Variants in ZNF335 observed in about 807,000 individuals in gnomAD.
ZNF335 encodes NRC-interacting factor 1.
Under a neutral mutation model 145.6 loss-of-function variants are expected in ZNF335, and 84 were observed. That is an observed-to-expected ratio of 0.58 (90% CI 0.48 to 0.69). The LOEUF (loss-of-function observed/expected upper bound fraction) is 0.69. Among genes scored for constraint, ZNF335 ranks in the 30% least tolerant of loss-of-function variants. The pLI is 0.00. For synonymous variants in ZNF335, 761 were observed against 717.0 expected (o/e 1.06, Z -0.98); for missense variants, 1,865 against 1,809.7 (o/e 1.03, Z -0.55).
intron 17 of ZNF335, among the ~76,000 whole-genome samples, chr20:45,955,322 G>A (rs2083708103): frequency 9.6e-6 from 1 of 104,594 alleles, no homozygotes; most frequent in Non-Finnish European, 1.8e-5. Context: ...CTGCACTCCA[G>A]CTTGGGCAAC....
At position 45,949,951 on chromosome 20, in the gene ZNF335, A is replaced by C; in HGVS notation, c.3591+15T>G. 1 of 1,614,088 alleles carries C rather than the reference A, an allele frequency of 6.2e-7. No homozygotes were observed. Among genetic ancestry groups the C allele is most frequent in the South Asian group, 1.1e-5 (1 of 91,082 alleles). On this transcript the variant is annotated intron_variant, in intron 23 of 27. Coordinates refer to ENST00000322927, the MANE Select transcript of ZNF335 (RefSeq NM_022095.4). ...GCCTGTCGCTGGCCAGAGGGCCCCC[A>C]GTCCTGACTCTTACCTGATTGGTCA...
chr20:45,967,466 G>A, intron 6 of ZNF335, 28 bp downstream of exon 6: 1 of 1,614,034 alleles, frequency 6.2e-7, no homozygotes, highest in Non-Finnish European at 8.5e-7. Context: ...GCATAGGGAT[G>A]GCAGGCCTAG....
chr20:45,957,520 A>G, intron 17 of ZNF335, 66 bp downstream of exon 17: 1 of 1,469,814 alleles, frequency 6.8e-7, no homozygotes, highest in Non-Finnish European at 9.5e-7. Context: ...CTCTAGTCCC[A>G]GTGTCCAGTG....
In ZNF335 at chr20:45,962,799, C is replaced by G. The variant is rs2083868667; in HGVS notation, c.1534-617G>C. On this transcript the variant is annotated intron_variant, in intron 9 of 27. Transcript: ENST00000322927. ...AGCTTGTGTTAAGGAGAAAAAGGAA[C>G]CGTTTTTTTTTTTTTGTTTGTTTGT... Among the ~76,000 whole-genome samples the G allele has an allele frequency of 4.2e-5, 6 of 142,812 alleles. No individual in the cohort carries two copies. The South Asian group carries it at 1.3e-3, about 32-fold the overall frequency. The allele number at this position is 142,812 out of a possible 152,430, so 93.7% of individuals were successfully genotyped here.
chr20:45,964,903 C>T (rs969459166), intron 7 of ZNF335, among the ~76,000 whole-genome samples: 1 of 151,724 alleles, frequency 6.6e-6, no homozygotes, highest in African/African-American at 2.4e-5. Flanking sequence ...TGGTGGTGGG[C>T]GCCTGTGATC....
chr20:45,969,886 G>A, intron 2 of ZNF335, 195 bp from the exon 3 acceptor site: 3 of 630,442 alleles, frequency 4.8e-6, no homozygotes, highest in East Asian at 2.9e-5. Context: ...AAAGTCACAG[G>A]GTCCCTGGAT....
intron 4 of ZNF335, 23 bp downstream of exon 4, chr20:45,968,262 G>A (rs961699573): frequency 9.3e-6 from 15 of 1,609,146 alleles, no homozygotes; most frequent in Admixed American, 3.3e-5. Context: ...AGGCCTCCCC[G>A]ATTCTGGCAC....
At chr20:45,960,825 C>T (rs753261423) in intron 11 of ZNF335, 39 bp downstream of exon 11, 30 of 1,613,752 alleles carry the variant, frequency 1.9e-5, no homozygotes, top group East Asian at 8.9e-5. Flanking sequence ...AAACAACCCC[C>T]GGGCAGGTTC....
chr20:45,971,564 G>A, intron 1 of ZNF335, 104 bp from the exon 2 acceptor site: 2 of 1,456,266 alleles, frequency 1.4e-6, no homozygotes, highest in Non-Finnish European at 9.0e-7. Flanking sequence ...CAGATGCGAA[G>A]ATTGAGTCTC....
rs552504169 is a variant in ZNF335 at position 45,965,793 on chromosome 20, T to G, written c.956-19A>C. ...CTATCCTCTGTGGGGGACAGTAAAG[T>G]TGGTGAACAGTGAGTGGCGGGACCT... is the stretch of plus-strand genomic sequence containing the variant. On this transcript the variant is annotated intron_variant, in intron 6 of 27. Transcript: ENST00000322927. 1.3e-6 allele frequency: 2 copies of G among 1,592,372 alleles called. No homozygotes were observed. The highest frequency in any genetic ancestry group is 2.2e-5 in the South Asian group (2 of 89,798).
Position 45,949,569 on chromosome 20 carries a change from C to T in ZNF335, c.3670-1G>A, listed in dbSNP as rs1378356136. 1 of 1,607,838 alleles carries T rather than the reference C, an allele frequency of 6.2e-7. No homozygotes were observed. The highest frequency in any genetic ancestry group is 1.1e-5 in the South Asian group (1 of 90,608). On this transcript the variant is annotated splice_acceptor_variant, in intron 24 of 27. Transcript: ENST00000322927. LOFTEE classifies it high-confidence loss of function. ...CATCCTGGGAGATGATATACTGCACCTGTTGGTGGGGGGGGCGGGCATGGC... is the reference window on the plus strand; with the variant it reads ...CATCCTGGGAGATGATATACTGCACTTGTTGGTGGGGGGGGCGGGCATGGC...
At chr20:45,959,560 C>T in intron 14 of ZNF335, 127 bp from the exon 15 acceptor site, 1 of 647,752 alleles carries the variant, frequency 1.5e-6, no homozygotes, top group Non-Finnish European at 2.3e-6. Flanking sequence ...CGTATGTAGG[C>T]AAACACATGC....
At position 45,972,171 on chromosome 20, in the gene ZNF335, C is replaced by T. The variant is rs1326067706; in HGVS notation, c.-100G>A. On this transcript the variant is annotated 5_prime_UTR_variant, in exon 1 of 28. Coordinates refer to ENST00000322927, the MANE Select transcript of ZNF335 (RefSeq NM_022095.4). Reference sequence around the variant, plus strand: ...TCTCTGACTCCGGCATCGACGAGGTCGCCATCCTCTTTCCTCCGCTGCGGA... The same window carrying T: ...TCTCTGACTCCGGCATCGACGAGGTTGCCATCCTCTTTCCTCCGCTGCGGA... 1.6e-6 allele frequency: 2 copies of T among 1,289,478 alleles called. No individual in the cohort carries two copies. The highest frequency in any genetic ancestry group is 1.5e-5 in the African/African-American group (1 of 65,820). 79.9% of individuals were successfully genotyped at this position (1,289,478 alleles called of 1,614,324 possible).
rs777528258 is a variant in ZNF335 at position 45,963,983 on chromosome 20, T to C, written c.1110A>G (p.Glu370=). ...LEISDLPDGV[E]GEPLVSSQSG... is the part of the protein sequence containing the mutation. ...TCTGGGAACTCACTAGAGGCTCTCC[T>C]TCCACACCTGCCACGGACATGCCAG... is the stretch of plus-strand genomic sequence containing the variant. The change falls in exon 8 of 28, where the codon GAA becomes GAG. Residue 370 remains glutamate, a synonymous_variant. Coordinates refer to ENST00000322927, the MANE Select transcript of ZNF335 (RefSeq NM_022095.4). The C allele has an allele frequency of 2.6e-6, 4 of 1,517,370 alleles. No individual in the cohort carries two copies. Among genetic ancestry groups the C allele is most frequent in the Non-Finnish European group, 3.5e-6 (4 of 1,134,422 alleles). 94.0% of individuals were successfully genotyped at this position (1,517,370 alleles called of 1,614,324 possible). A position where few individuals can be genotyped will look rare whatever the true frequency, so the allele number is the denominator to read the frequency against.
chr20:45,967,457 C>A, intron 6 of ZNF335, 37 bp downstream of exon 6: 1 of 1,613,940 alleles, frequency 6.2e-7, no homozygotes, highest in East Asian at 2.2e-5. Context: ...TCTAGATGGG[C>A]ATAGGGATGG....
rs1404144972 is a variant in ZNF335 at position 45,963,962 on chromosome 20, G to A, written c.1131C>T (p.Ser377=). The A allele has an allele frequency of 2.0e-6, 3 of 1,528,822 alleles. No individual in the cohort carries two copies. Among genetic ancestry groups the A allele is most frequent in the African/African-American group, 1.4e-5 (1 of 72,058 alleles). 94.7% of individuals were successfully genotyped at this position (1,528,822 alleles called of 1,614,324 possible). The change falls in exon 8 of 28, where the codon TCC becomes TCT. Residue 377 remains serine (S), a synonymous_variant. Transcript: ENST00000322927. ...DGVEGEPLVS[S]QSGQSPPEPQ... is the part of the protein sequence containing the mutation. ...GCTCTGGAGGGCTCTGTCCACTCTG[G>A]GAACTCACTAGAGGCTCTCCTTCCA...
At chr20:45,971,655 G>T in intron 1 of ZNF335, 195 bp from the exon 2 acceptor site, 9 of 985,476 alleles carry the variant, frequency 9.1e-6, no homozygotes, top group Non-Finnish European at 1.1e-5. Flanking sequence ...CCAGGCTAAG[G>T]CCCTTCCCGG....
At chr20:45,952,067 AG>A in intron 20 of ZNF335, 79 bp downstream of exon 20, 1 of 1,499,604 alleles carries the variant, frequency 6.7e-7, no homozygotes, top group South Asian at 1.4e-5. Context: ...CTGGCTTGAA[AG>A]GGCACTCATT....
Position 45,962,486 on chromosome 20 carries a change from C to T in ZNF335, c.1534-304G>A, listed in dbSNP as rs79399828. On this transcript the variant is annotated intron_variant, in intron 9 of 27. Coordinates refer to ENST00000322927, the MANE Select transcript of ZNF335 (RefSeq NM_022095.4). ...TTGGAGCTGAAGCCAGGCAGCATGG[C>T]GCCGCAGCCTCCACCTCTCCCACTG... Among the ~76,000 whole-genome samples, 262 of 152,332 alleles carry T rather than the reference C, an allele frequency of 1.7e-3. 1 individual carries two copies. The highest frequency in any genetic ancestry group is 5.8e-3 in the African/African-American group (240 of 41,584).
Sources: gnomAD v4.1 joint callset for allele counts (sites outside exome capture counted in the v4.1 genomes callset) on GRCh38, gnomAD v4.1.1 for gene constraint, MANE v1.5 for transcripts, NCBI Gene and HGNC (gene_info 2026-07-23, HGNC 2026-07-21) for gene names.